Variants in GIGYF2 observed in about 807,000 individuals in gnomAD.
GIGYF2 encodes the protein GRB10-interacting GYF protein 2.
GIGYF2 carries 25 observed loss-of-function variants against 208.1 expected under a neutral mutation model. That is an observed-to-expected ratio of 0.12 (90% CI 0.09 to 0.17). GIGYF2 has a LOEUF of 0.17. Ranked by LOEUF, GIGYF2 falls within the 10% of genes least tolerant of loss-of-function variation. The probability of loss-of-function intolerance (pLI) is 1.00; values close to 1 mark genes in which losing one functional copy is unlikely to be tolerated. For synonymous variants in GIGYF2, 534 were observed against 543.8 expected (o/e 0.98, Z 0.25); for missense variants, 1,302 against 1,579.4 (o/e 0.82, Z 2.98).
intron 2 of GIGYF2, among the ~76,000 whole-genome samples, chr2:232,732,668 T>C (rs988227693): frequency 2.6e-5 from 4 of 151,596 alleles, no homozygotes; most frequent in Non-Finnish European, 5.9e-5. Flanking sequence ...TGAGACAAGG[T>C]CTTGCTCTGT....
chr2:232,858,184 C>A lies in GIGYF2; in HGVS notation c.*1324C>A. The A allele has an allele frequency of 3.7e-6, 1 of 270,366 alleles. No individual in the cohort carries two copies. The highest frequency in any genetic ancestry group is 7.2e-6 in the Non-Finnish European group (1 of 139,546). The allele number at this position is 270,366 out of a possible 1,614,324, so 16.7% of individuals were successfully genotyped here. A position where few individuals can be genotyped will look rare whatever the true frequency, so the allele number is the denominator to read the frequency against. On this transcript the variant is annotated 3_prime_UTR_variant, in exon 29 of 29. Coordinates refer to ENST00000373563, the MANE Select transcript of GIGYF2 (RefSeq NM_001103146.3). Reference sequence around the variant, plus strand: ...ATTGCCACTCACACTGGGTTGGAGTCATTGGGCAGCTGTGCCTGTGCGAGA... The same window carrying A: ...ATTGCCACTCACACTGGGTTGGAGTAATTGGGCAGCTGTGCCTGTGCGAGA...
intron 14 of GIGYF2, among the ~76,000 whole-genome samples, chr2:232,802,945 G>T (rs1167962143): frequency 6.6e-6 from 1 of 151,402 alleles, no homozygotes; most frequent in Non-Finnish European, 1.5e-5. Context: ...TGTCGGCCAG[G>T]CTGGAGTGCA....
At chr2:232,727,860 C>T (rs765196026) in intron 2 of GIGYF2, among the ~76,000 whole-genome samples, 13 of 152,200 alleles carry the variant, frequency 8.5e-5, no homozygotes, top group Non-Finnish European at 1.8e-4. Flanking sequence ...CAGTCAAGCA[C>T]CTTGCACTTA....
intron 8 of GIGYF2, chr2:232,765,735 G>A (rs1431487941): frequency 6.1e-5 from 19 of 311,158 alleles, no homozygotes. Flanking sequence ...AGTGTATTTT[G>A]GTATGAAGTA....
chr2:232,716,879 C>G (rs1246740926), intron 2 of GIGYF2, among the ~76,000 whole-genome samples: 2 of 152,092 alleles, frequency 1.3e-5, no homozygotes, highest in Admixed American at 6.5e-5. Context: ...GATCACAGCT[C>G]ACTGCTGCCT....
At chr2:232,789,817 T>G (rs1700017687) in intron 9 of GIGYF2, among the ~76,000 whole-genome samples, 1 of 152,178 alleles carries the variant, frequency 6.6e-6, no homozygotes, top group South Asian at 2.1e-4. Flanking sequence ...CTGTCAGATT[T>G]TAGCAAGAGT....
chr2:232,812,966 A>T (rs1700779377), intron 18 of GIGYF2, among the ~76,000 whole-genome samples: 1 of 151,896 alleles, frequency 6.6e-6, no homozygotes, highest in Non-Finnish European at 1.5e-5. Flanking sequence ...ATGCCAAGGC[A>T]TTTCAGCCTG....
chr2:232,700,496 A>G (rs1410585046), intron 1 of GIGYF2: 6 of 152,082 alleles, frequency 3.9e-5, no homozygotes. Flanking sequence ...GACTTGTGCC[A>G]TTTTCAAATT....
At chr2:232,828,594 A>G (rs769270610) in intron 21 of GIGYF2, 17 of 152,266 alleles carry the variant, frequency 1.1e-4, no homozygotes, top group Admixed American at 2.6e-4. Context: ...CTGAAACTAC[A>G]AGCATATACC....
At chr2:232,708,880 G>C (rs1696255254) in intron 2 of GIGYF2, among the ~76,000 whole-genome samples, 2 of 149,902 alleles carry the variant, frequency 1.3e-5, no homozygotes, top group Admixed American at 1.3e-4. Context: ...CCAGCACTTT[G>C]GGAAGCCGAG....
chr2:232,729,529 T>G, intron 2 of GIGYF2: 1 of 1,310,876 alleles, frequency 7.6e-7, no homozygotes, highest in Non-Finnish European at 1.0e-6. Context: ...GATTTTAGAT[T>G]TTGTTGAAAG....
chr2:232,855,068 T>C (rs913732036), intron 28 of GIGYF2, among the ~76,000 whole-genome samples: 6 of 138,172 alleles, frequency 4.3e-5, no homozygotes, highest in African/African-American at 1.6e-4. Context: ...TTTTCTTTTT[T>C]TCTTTTTCTT....
chr2:232,709,951 GTTATA>G (rs1696306089), intron 2 of GIGYF2, among the ~76,000 whole-genome samples: 1 of 151,746 alleles, frequency 6.6e-6, no homozygotes, highest in East Asian at 1.9e-4. Context: ...TTTTTACAAA[GTTATA>G]TATTTATTTA....
chr2:232,722,538 C>A (rs1291789672), intron 2 of GIGYF2: 2 of 152,166 alleles, frequency 1.3e-5, no homozygotes, highest in African/African-American at 4.8e-5. Context: ...ACTTCTCTAT[C>A]TTTATTGGTC....
intron 8 of GIGYF2, among the ~76,000 whole-genome samples, chr2:232,786,890 A>C (rs963258574): frequency 6.6e-6 from 1 of 152,190 alleles, no homozygotes; most frequent in Non-Finnish European, 1.5e-5. Context: ...TTGTGTAGGA[A>C]GATGGACTTT....
At chr2:232,710,047 C>A (rs1696315143) in intron 2 of GIGYF2, among the ~76,000 whole-genome samples, 1 of 151,918 alleles carries the variant, frequency 6.6e-6, no homozygotes. Flanking sequence ...GCAAGCTCTG[C>A]CTCCCGGGTT....
In GIGYF2 at chr2:232,857,682, A is replaced by G. The variant is rs1690626296; in HGVS notation, c.*822A>G. The G allele has an allele frequency of 1.3e-5, 2 of 152,722 alleles. No homozygotes were observed. The highest frequency in any genetic ancestry group is 1.5e-5 in the Non-Finnish European group (1 of 68,034). 9.5% of individuals were successfully genotyped at this position (152,722 alleles called of 1,614,324 possible). A position where few individuals can be genotyped will look rare whatever the true frequency, so the allele number is the denominator to read the frequency against. On this transcript the variant is annotated 3_prime_UTR_variant, in exon 29 of 29. Coordinates refer to ENST00000373563, the MANE Select transcript of GIGYF2 (RefSeq NM_001103146.3). ...TTTTTCCCATAAATATTTTTACTTC[A>G]GAGGACTAGGACCATTTTGTTTTGG... is the stretch of plus-strand genomic sequence containing the variant.
At chr2:232,739,122 G>C (rs1697862891) in intron 3 of GIGYF2, among the ~76,000 whole-genome samples, 1 of 152,072 alleles carries the variant, frequency 6.6e-6, no homozygotes, top group Non-Finnish European at 1.5e-5. Context: ...ACTTTGGGAG[G>C]CCGAGGTGGG....
intron 14 of GIGYF2, among the ~76,000 whole-genome samples, chr2:232,797,797 A>G (rs1287826453): frequency 6.6e-6 from 1 of 152,074 alleles, no homozygotes; most frequent in Non-Finnish European, 1.5e-5. Context: ...ACTGGCCAAC[A>G]TGGTGAAACC....
Sources: gnomAD v4.1 joint callset for allele counts (sites outside exome capture counted in the v4.1 genomes callset) on GRCh38, gnomAD v4.1.1 for gene constraint, MANE v1.5 for transcripts, NCBI Gene and HGNC (gene_info 2026-07-23, HGNC 2026-07-21) for gene names.